The following SAMD3 variants were observed in gnomAD, a reference collection of about 807,000 sequenced individuals.
The protein encoded by SAMD3 is sterile alpha motif domain-containing protein 3.
SAMD3 carries 63 observed loss-of-function variants against 58.5 expected under a neutral mutation model. The observed-to-expected ratio is 1.08, with a 90% CI of 0.88 to 1.33. The LOEUF is 1.33. Ranked by LOEUF, SAMD3 falls within the 40% of genes most tolerant of loss-of-function variation. SAMD3 has a pLI of 0.00. For missense variants in SAMD3, 604 were observed against 608.4 expected, an observed-to-expected ratio of 0.99 and a Z score of 0.08; for synonymous variants, 220 against 210.3, an observed-to-expected ratio of 1.05 and a Z score of -0.40.
At chr6:130,278,257 C>T (rs1044637408) in intron 2 of SAMD3, among the ~76,000 whole-genome samples, 17 of 152,164 alleles carry the variant, frequency 1.1e-4, no homozygotes, top group Admixed American at 1.0e-3. Flanking sequence ...GACCAATCAG[C>T]ACTCCCAACT....
intron 1 of SAMD3, among the ~76,000 whole-genome samples, chr6:130,339,111 A>G (rs1777187786): frequency 6.6e-6 from 1 of 152,046 alleles, no homozygotes; most frequent in Non-Finnish European, 1.5e-5. Context: ...TAGCAGCACA[A>G]TCTCAGCTCA....
chr6:130,260,492 G>T (rs1025080539), intron 2 of SAMD3, among the ~76,000 whole-genome samples: 2 of 152,192 alleles, frequency 1.3e-5, no homozygotes, highest in African/African-American at 2.4e-5. Flanking sequence ...GACAAGAATT[G>T]CTCACTTGGG....
chr6:130,206,494 C>G (rs1795094545), intron 5 of SAMD3, among the ~76,000 whole-genome samples: 2 of 152,240 alleles, frequency 1.3e-5, no homozygotes, highest in Non-Finnish European at 2.9e-5. Flanking sequence ...CGGGAACTTA[C>G]TTGTTCAGCC....
chr6:130,214,651 T>A, intron 3 of SAMD3, 125 bp from the exon 4 acceptor site: 1 of 604,602 alleles, frequency 1.7e-6, no homozygotes, highest in East Asian at 3.1e-5. Flanking sequence ...ATTATAAATT[T>A]ATCCATATTT....
rs546049688 is a variant in SAMD3 at position 130,284,286 on chromosome 6, G to A, written c.-188+28692C>T. Among the ~76,000 whole-genome samples the A allele has an allele frequency of 3.9e-5, 6 of 152,270 alleles. No homozygotes were observed. The South Asian group carries it at 1.2e-3, about 32-fold the overall frequency. ...AGTAATTTTTATTAGAAGAAGGTTAGAATTATTGATTTCAATTTTAGTTCC... is the reference window on the plus strand; with the variant it reads ...AGTAATTTTTATTAGAAGAAGGTTAAAATTATTGATTTCAATTTTAGTTCC... On this transcript the variant is annotated intron_variant, in intron 2 of 13. Transcript: ENST00000368134.
intron 2 of SAMD3, among the ~76,000 whole-genome samples, chr6:130,251,315 T>C (rs1454362608): frequency 3.3e-5 from 5 of 152,202 alleles, no homozygotes; most frequent in Non-Finnish European, 5.9e-5. Flanking sequence ...TATTTATACA[T>C]TCTTGATTCT....
At chr6:130,250,934 T>C (rs1240735634) in intron 2 of SAMD3, among the ~76,000 whole-genome samples, 4 of 152,222 alleles carry the variant, frequency 2.6e-5, no homozygotes, top group Non-Finnish European at 5.9e-5. Flanking sequence ...ACATATGTTT[T>C]CATTTCTCTT....
chr6:130,293,831 G>A (rs1027976658), intron 2 of SAMD3, among the ~76,000 whole-genome samples: 1 of 151,760 alleles, frequency 6.6e-6, no homozygotes, highest in East Asian at 1.9e-4. Flanking sequence ...AGTTTGTCTC[G>A]TGAGTCTCTA....
intron 2 of SAMD3, among the ~76,000 whole-genome samples, chr6:130,237,879 G>A (rs540509314): frequency 2.0e-5 from 3 of 152,164 alleles, no homozygotes; most frequent in South Asian, 4.2e-4. Flanking sequence ...TAAAAGGAAC[G>A]CAAATGTAGG....
At chr6:130,219,304 C>T (rs550531999) in intron 1 of SAMD3, among the ~76,000 whole-genome samples, 1 of 150,336 alleles carries the variant, frequency 6.7e-6, no homozygotes, top group Non-Finnish European at 1.5e-5. Flanking sequence ...ATGAAACAGC[C>T]ATTTTTTTTA....
At chr6:130,365,373 C>G (rs1327197484) in exon 1 of SAMD3, 1 of 985,452 alleles carries the variant, frequency 1.0e-6, no homozygotes, top group Non-Finnish European at 1.2e-6. Flanking sequence ...CTCCGGAACC[C>G]CTTGCCGGGC....
intron 5 of SAMD3, among the ~76,000 whole-genome samples, chr6:130,185,147 A>G (rs1043824830): frequency 6.6e-6 from 1 of 152,180 alleles, no homozygotes; most frequent in South Asian, 2.1e-4. Flanking sequence ...AAATATAAGT[A>G]ACAGATATTC....
At chr6:130,356,267 G>A (rs902127799) in intron 1 of SAMD3, among the ~76,000 whole-genome samples, 4 of 152,032 alleles carry the variant, frequency 2.6e-5, no homozygotes, top group African/African-American at 7.2e-5. Flanking sequence ...GGGCCGTCTG[G>A]TTGGTCCCTA....
At chr6:130,226,710 TG>T (rs1796390977), upstream of SAMD3, among the ~76,000 whole-genome samples, 1 of 152,150 alleles carries the variant, frequency 6.6e-6, no homozygotes, top group South Asian at 2.1e-4. Context: ...TCCCAGCTAC[TG>T]TCAGTGTAGC....
At chr6:130,360,788 T>C (rs552845107) in intron 1 of SAMD3, among the ~76,000 whole-genome samples, 15 of 152,140 alleles carry the variant, frequency 9.9e-5, no homozygotes, top group Non-Finnish European at 2.1e-4. Context: ...GTTTCGACCA[T>C]AGAAGATGGC....
At chr6:130,160,966 T>A (rs1245170440) in intron 8 of SAMD3, 2 of 152,138 alleles carry the variant, frequency 1.3e-5, no homozygotes, top group African/African-American at 2.4e-5. Context: ...ATAAAATATG[T>A]GCTTGAAAAA....
intron 2 of SAMD3, among the ~76,000 whole-genome samples, chr6:130,286,908 C>T (rs1221379740): frequency 1.3e-5 from 2 of 152,260 alleles, no homozygotes; most frequent in African/African-American, 4.8e-5. Flanking sequence ...CGGGGTTTCA[C>T]CATGCTGCCC....
chr6:130,262,521 C>T (rs907095971), intron 2 of SAMD3, among the ~76,000 whole-genome samples: 3 of 150,814 alleles, frequency 2.0e-5, no homozygotes, highest in African/African-American at 7.3e-5. Context: ...ATACAAAGGT[C>T]CAACCAGACC....
At chr6:130,268,979 AT>A (rs149631484) in intron 2 of SAMD3, among the ~76,000 whole-genome samples, 2,030 of 151,898 alleles carry the variant, frequency 0.013, 40 homozygotes, top group African/African-American at 0.046. Flanking sequence ...TCCATTTATC[AT>A]TTTTTTCCCT....
Sources: gnomAD v4.1 joint callset for allele counts (sites outside exome capture counted in the v4.1 genomes callset) on GRCh38, gnomAD v4.1.1 for gene constraint, MANE v1.5 for transcripts, NCBI Gene and HGNC (gene_info 2026-07-23, HGNC 2026-07-21) for gene names.